The following RNF220 variants were observed in gnomAD, a reference collection of about 807,000 sequenced individuals.
RNF220 encodes the protein ring finger protein 220, also known as E3 ubiquitin-protein ligase RNF220.
RNF220 carries 7 observed loss-of-function variants against 67.1 expected under a neutral mutation model. The ratio of observed to expected loss-of-function variants is 0.10; its 90% CI spans 0.06 to 0.20. RNF220 has a LOEUF of 0.20. RNF220 is among the 10% of genes least tolerant of loss of function. The pLI, the probability that RNF220 is intolerant of heterozygous loss-of-function variation, is 1.00. For synonymous variants in RNF220, 270 were observed against 283.2 expected (o/e 0.95, Z 0.47); for missense variants, 565 against 740.3 (o/e 0.76, Z 2.75).
intron 2 of RNF220, among the ~76,000 whole-genome samples, chr1:44,452,372 G>A (rs890428949): frequency 3.9e-5 from 6 of 151,992 alleles, no homozygotes; most frequent in Non-Finnish European, 8.8e-5. Flanking sequence ...AGACCAACGT[G>A]GTGAAACCCC....
intron 2 of RNF220, among the ~76,000 whole-genome samples, chr1:44,537,458 C>T (rs188114509): frequency 6.6e-6 from 1 of 152,158 alleles, no homozygotes; most frequent in East Asian, 1.9e-4. Context: ...TGTATATTAA[C>T]GTTTACATAA....
chr1:44,432,188 G>A (rs1483669671), intron 2 of RNF220, among the ~76,000 whole-genome samples: 2 of 152,084 alleles, frequency 1.3e-5, no homozygotes, highest in African/African-American at 2.4e-5. Flanking sequence ...GATAAAGTAT[G>A]CATTGGGGAG....
chr1:44,531,736 C>T (rs1002822099), intron 2 of RNF220, among the ~76,000 whole-genome samples: 1 of 152,210 alleles, frequency 6.6e-6, no homozygotes, highest in Non-Finnish European at 1.5e-5. Flanking sequence ...GTCTCTTCTT[C>T]CATGTTTGAA....
intron 2 of RNF220, among the ~76,000 whole-genome samples, chr1:44,509,224 T>C (rs759664182): frequency 6.6e-6 from 1 of 152,178 alleles, no homozygotes; most frequent in Non-Finnish European, 1.5e-5. Context: ...GTCCTGGTGT[T>C]TATCCGAGCA....
intron 2 of RNF220, among the ~76,000 whole-genome samples, chr1:44,438,945 A>AC (rs1651268886): frequency 6.6e-6 from 1 of 152,216 alleles, no homozygotes; most frequent in South Asian, 2.1e-4. Flanking sequence ...CATCACCATC[A>AC]CTACTCTTAA....
chr1:44,586,972 T>C (rs912081560), intron 2 of RNF220, among the ~76,000 whole-genome samples: 1 of 152,122 alleles, frequency 6.6e-6, no homozygotes, highest in African/African-American at 2.4e-5. Flanking sequence ...AAAGTTTATA[T>C]ATGAAATATT....
chr1:44,410,143 T>TGG (rs201005451), intron 1 of RNF220, among the ~76,000 whole-genome samples: 19 of 150,702 alleles, frequency 1.3e-4, no homozygotes, highest in African/African-American at 4.6e-4. Flanking sequence ...AAGTGAATCC[T>TGG]GGGGGGGGTC....
At chr1:44,552,534 C>T (rs1265403121) in intron 2 of RNF220, among the ~76,000 whole-genome samples, 1 of 149,330 alleles carries the variant, frequency 6.7e-6, no homozygotes, top group African/African-American at 2.5e-5. Context: ...AACAAAAACC[C>T]ATCAATGGCT....
At chr1:44,521,860 T>A (rs1659968182) in intron 2 of RNF220, among the ~76,000 whole-genome samples, 1 of 150,542 alleles carries the variant, frequency 6.6e-6, no homozygotes. Flanking sequence ...TCAATTGATG[T>A]CTACTGAATG....
chr1:44,488,376 G>A (rs547495268), intron 2 of RNF220, among the ~76,000 whole-genome samples: 10 of 152,188 alleles, frequency 6.6e-5, no homozygotes, highest in Admixed American at 1.3e-4. Flanking sequence ...TGATCCACCC[G>A]CCTCAGCCCC....
intron 2 of RNF220, among the ~76,000 whole-genome samples, chr1:44,472,220 T>G (rs990737188): frequency 2.0e-5 from 3 of 152,202 alleles, no homozygotes; most frequent in African/African-American, 7.2e-5. Context: ...TTCAGTTCTC[T>G]TGGGTATATA....
At chr1:44,611,065 C>T (rs750233869) in intron 2 of RNF220, among the ~76,000 whole-genome samples, 15 of 152,168 alleles carry the variant, frequency 9.9e-5, no homozygotes, top group East Asian at 5.8e-4. Context: ...GTAAAACCCA[C>T]GTCATGACCA....
At chr1:44,642,208 G>A (rs187351447) in intron 8 of RNF220, among the ~76,000 whole-genome samples, 2 of 152,368 alleles carry the variant, frequency 1.3e-5, no homozygotes, top group African/African-American at 4.8e-5. Flanking sequence ...AGGATTCTGG[G>A]TGGACACCAG....
At chr1:44,634,555 C>T (rs1447717294) in intron 6 of RNF220, among the ~76,000 whole-genome samples, 1 of 152,182 alleles carries the variant, frequency 6.6e-6, no homozygotes, top group Non-Finnish European at 1.5e-5. Flanking sequence ...GAACCTTTCC[C>T]TCCTTTGCTG....
chr1:44,531,407 C>T lies in RNF220; in HGVS notation c.626-82758C>T, dbSNP rs270747. 1.7e-3 allele frequency among the ~76,000 whole-genome samples: 262 copies of T among 152,298 alleles called. 2 individuals are homozygous for T. The highest frequency in any genetic ancestry group is 6.2e-3 in the African/African-American group (259 of 41,548). ...GGAAGATTATTTATTCAAAACTCAG[C>T]TCCAGTATCATCTCCCTGGTGGACT... On this transcript the variant is annotated intron_variant, in intron 2 of 14. Coordinates refer to ENST00000361799, the MANE Select transcript of RNF220 (RefSeq NM_018150.4).
intron 2 of RNF220, among the ~76,000 whole-genome samples, chr1:44,499,401 A>G (rs187816838): frequency 4.6e-5 from 7 of 152,156 alleles, no homozygotes; most frequent in Admixed American, 2.6e-4. Context: ...CCAGGTCACT[A>G]GTGACCTCCC....
chr1:44,549,069 C>T (rs1035705977), intron 2 of RNF220, among the ~76,000 whole-genome samples: 1 of 152,048 alleles, frequency 6.6e-6, no homozygotes, highest in Non-Finnish European at 1.5e-5. Flanking sequence ...TGCCTATAAC[C>T]CCAGGTACTC....
intron 1 of RNF220, among the ~76,000 whole-genome samples, chr1:44,409,338 C>T (rs1051483911): frequency 3.3e-5 from 5 of 152,250 alleles, no homozygotes; most frequent in African/African-American, 1.2e-4. Context: ...ATTGATCCCT[C>T]CTCCTTGTTT....
Position 44,636,063 on chromosome 1 carries a change from G to A in RNF220, c.1027G>A (p.Val343Met). ...EGSCMAEDDA[V>M]DIEHENNNRF... ...CTCCTGCATGGCTGAGGATGATGCT[G>A]TGGACATCGAGCATGAGAACAACAA... Residue 343 changes from valine to methionine, a missense_variant, in exon 8 of 15, where the codon GTG becomes ATG. Val to Met is a conservative substitution (Grantham distance 21). Coordinates refer to ENST00000361799, the MANE Select transcript of RNF220 (RefSeq NM_018150.4). 6.2e-7 allele frequency: 1 copy of A among 1,614,268 alleles called. No individual in the cohort carries two copies. The highest frequency in any genetic ancestry group is 8.5e-7 in the Non-Finnish European group (1 of 1,180,050).
Sources: allele counts gnomAD v4.1 joint callset (sites outside exome capture counted in the v4.1 genomes callset), GRCh38; gene constraint gnomAD v4.1.1; transcripts MANE v1.5; gene names NCBI Gene and HGNC (gene_info 2026-07-23, HGNC 2026-07-21).